PTPRD: variants seen among roughly 807,000 people sequenced by gnomAD.
PTPRD encodes protein tyrosine phosphatase receptor type D.
In PTPRD, 34 loss-of-function variants were observed where a neutral mutation model predicts 214.5. The observed-to-expected ratio is 0.16, with a 90% CI of 0.12 to 0.21. The LOEUF (loss-of-function observed/expected upper bound fraction) is 0.21. PTPRD is among the 10% of genes least tolerant of loss of function. The pLI is 1.00. For missense variants in PTPRD, 2,545 were observed against 2,398.7 expected (o/e 1.06, Z -1.27); for synonymous variants, 1,128 against 845.7 (o/e 1.33, Z -5.79).
chr9:10,208,028 G>C (rs986385805), intron 3 of PTPRD, among the ~76,000 whole-genome samples: 2 of 152,106 alleles, frequency 1.3e-5, no homozygotes, highest in African/African-American at 2.4e-5. Context: ...AACATAAATA[G>C]AGCATCAGAA....
intron 7 of PTPRD, among the ~76,000 whole-genome samples, chr9:9,591,116 T>A (rs1246087668): frequency 6.6e-6 from 1 of 151,964 alleles, no homozygotes; most frequent in Non-Finnish European, 1.5e-5. Flanking sequence ...AGGAGGATTG[T>A]CTGGGTAGGC....
intron 5 of PTPRD, among the ~76,000 whole-genome samples, chr9:9,859,049 T>C (rs942623470): frequency 1.2e-4 from 18 of 152,154 alleles, no homozygotes; most frequent in Non-Finnish European, 2.6e-4. Context: ...GCAGTTTTCC[T>C]CATGCTGTTC....
chr9:10,597,316 T>C (rs530339072), intron 2 of PTPRD, among the ~76,000 whole-genome samples: 1 of 151,708 alleles, frequency 6.6e-6, no homozygotes, highest in Non-Finnish European at 1.5e-5. Flanking sequence ...TAACTCAATA[T>C]TTTATTTGAT....
intron 10 of PTPRD, among the ~76,000 whole-genome samples, chr9:9,170,303 T>A (rs1033916724): frequency 2.6e-5 from 4 of 152,190 alleles, no homozygotes; most frequent in African/African-American, 9.6e-5. Context: ...CTGTGATGGG[T>A]AAGGTTCTTT....
chr9:8,975,121 CA>C (rs1364853015), intron 11 of PTPRD, among the ~76,000 whole-genome samples: 3 of 139,720 alleles, frequency 2.1e-5, no homozygotes, highest in African/African-American at 8.0e-5. Context: ...AAAAGATTTT[CA>C]GAGACTGTTT....
intron 39 of PTPRD, among the ~76,000 whole-genome samples, chr9:8,371,138 G>T (rs1003795870): frequency 1.5e-4 from 23 of 151,916 alleles, no homozygotes; most frequent in South Asian, 4.2e-4. Context: ...ATGTAGAGTG[G>T]TAGAAAAAGG....
rs552752465 is a variant in PTPRD at position 10,117,537 on chromosome 9, T to C, written c.-544-83747A>G. On this transcript the variant is annotated intron_variant, in intron 3 of 45. Coordinates refer to ENST00000381196, the MANE Select transcript of PTPRD (RefSeq NM_002839.4). ...GTCCTTGCTTCCTTCAGTTTTTGGT[T>C]AGTTGCAGCAGTATTAACTTCAATC... Among the ~76,000 whole-genome samples, 3 of 152,040 alleles carry C rather than the reference T, an allele frequency of 2.0e-5. No homozygotes were observed. In the Middle Eastern group the frequency reaches 0.01, roughly 517 times the overall value.
intron 8 of PTPRD, among the ~76,000 whole-genome samples, chr9:9,568,581 A>G (rs1020959696): frequency 2.0e-5 from 3 of 151,928 alleles, no homozygotes; most frequent in African/African-American, 7.2e-5. Context: ...GAGAAAATAT[A>G]TGCTACTTAC....
intron 30 of PTPRD, among the ~76,000 whole-genome samples, chr9:8,473,474 T>G (rs2096700048): frequency 6.6e-6 from 1 of 152,192 alleles, no homozygotes; most frequent in Admixed American, 6.5e-5. Context: ...ACACTGCAGA[T>G]GTGCTTGATA....
chr9:9,298,156 G>T (rs1446789146), intron 9 of PTPRD, among the ~76,000 whole-genome samples: 1 of 151,546 alleles, frequency 6.6e-6, no homozygotes, highest in African/African-American at 2.4e-5. Flanking sequence ...AAGAAAGTTT[G>T]AACTTAGGCA....
At chr9:9,553,450 G>A (rs1267845385) in intron 8 of PTPRD, among the ~76,000 whole-genome samples, 3 of 151,946 alleles carry the variant, frequency 2.0e-5, no homozygotes, top group Non-Finnish European at 4.4e-5. Flanking sequence ...TTTAACAGAT[G>A]AGGATACTGA....
At chr9:8,991,057 A>AT (rs1184756102) in intron 11 of PTPRD, among the ~76,000 whole-genome samples, 5 of 142,994 alleles carry the variant, frequency 3.5e-5, no homozygotes, top group Non-Finnish European at 6.4e-5. Flanking sequence ...TCTACCAAAA[A>AT]TAAAAAAAAA....
intron 3 of PTPRD, among the ~76,000 whole-genome samples, chr9:10,114,920 G>A (rs2098718494): frequency 6.6e-6 from 1 of 151,626 alleles, no homozygotes; most frequent in Non-Finnish European, 1.5e-5. Flanking sequence ...AATTTTCTAA[G>A]GAATTATAGT....
At chr9:9,949,531 T>C (rs918501879) in intron 4 of PTPRD, among the ~76,000 whole-genome samples, 1 of 152,116 alleles carries the variant, frequency 6.6e-6, no homozygotes, top group African/African-American at 2.4e-5. Flanking sequence ...GAGTTAATGA[T>C]TTATTTTCCC....
intron 7 of PTPRD, among the ~76,000 whole-genome samples, chr9:9,632,769 T>C (rs1252374845): frequency 6.6e-6 from 1 of 152,084 alleles, no homozygotes; most frequent in Non-Finnish European, 1.5e-5. Context: ...GACAGTTACA[T>C]AGGTATAAAT....
intron 5 of PTPRD, among the ~76,000 whole-genome samples, chr9:9,933,456 CA>C (rs1457579093): frequency 6.6e-6 from 1 of 151,732 alleles, no homozygotes; most frequent in African/African-American, 2.4e-5. Context: ...GACTTTAAAC[CA>C]ACAAAGATCA....
At chr9:10,561,936 T>C in intron 2 of PTPRD, among the ~76,000 whole-genome samples, 1 of 152,164 alleles carries the variant, frequency 6.6e-6, no homozygotes, top group Non-Finnish European at 1.5e-5. Flanking sequence ...GGTCAATTAA[T>C]GCCACAGAAT....
chr9:8,414,949 G>C (rs1341747636), intron 35 of PTPRD, among the ~76,000 whole-genome samples: 1 of 147,794 alleles, frequency 6.8e-6, no homozygotes, highest in African/African-American at 2.5e-5. Context: ...GAGAGAGAGA[G>C]AGAGAGAGAG....
intron 8 of PTPRD, among the ~76,000 whole-genome samples, chr9:9,522,747 TA>T (rs1472496904): frequency 6.6e-6 from 1 of 152,100 alleles, no homozygotes; most frequent in Non-Finnish European, 1.5e-5. Context: ...AATAAAGAGG[TA>T]ATCAGTTGAG....
Sources: gnomAD v4.1 joint callset for allele counts (sites outside exome capture counted in the v4.1 genomes callset) on GRCh38, gnomAD v4.1.1 for gene constraint, MANE v1.5 for transcripts, NCBI Gene and HGNC (gene_info 2026-07-23, HGNC 2026-07-21) for gene names.